The following MEOX2 variants were observed in gnomAD, a reference collection of about 807,000 sequenced individuals.
MEOX2 encodes the protein homeobox protein MOX-2.
In MEOX2, 11 loss-of-function variants were observed where a neutral mutation model predicts 27.0. The ratio of observed to expected loss-of-function variants is 0.41; its 90% confidence interval spans 0.26 to 0.68. MEOX2 has a LOEUF of 0.68. Ranked by LOEUF, MEOX2 falls within the 30% of genes least tolerant of loss-of-function variation. MEOX2 has a pLI of 0.33. For missense variants in MEOX2, 436 were observed against 385.4 expected (o/e 1.13, Z -1.10); for synonymous variants, 189 against 155.4 (o/e 1.22, Z -1.61).
chr7:15,663,628 C>T (rs960958761), intron 1 of MEOX2, among the ~76,000 whole-genome samples: 16 of 152,198 alleles, frequency 1.1e-4, no homozygotes, highest in Admixed American at 5.9e-4. Context: ...CGTGAGCCAC[C>T]GCGCCCAGCC....
chr7:15,666,629 A>G (rs1182165344), intron 1 of MEOX2, among the ~76,000 whole-genome samples: 3 of 150,908 alleles, frequency 2.0e-5, no homozygotes, highest in Non-Finnish European at 4.4e-5. Context: ...GTATGTGCCT[A>G]TAGTCCCAGC....
intron 1 of MEOX2, among the ~76,000 whole-genome samples, chr7:15,663,826 T>A (rs767478740): frequency 3.9e-5 from 6 of 152,140 alleles, no homozygotes; most frequent in Non-Finnish European, 8.8e-5. Flanking sequence ...AGTAATAGCA[T>A]CATTCCAATC....
At chr7:15,643,401 G>C (rs1781593651) in intron 1 of MEOX2, among the ~76,000 whole-genome samples, 1 of 152,306 alleles carries the variant, frequency 6.6e-6, no homozygotes, top group African/African-American at 2.4e-5. Flanking sequence ...CACTGACCTT[G>C]GTCAAGGTCT....
chr7:15,683,994 G>C (rs12111772), intron 1 of MEOX2, among the ~76,000 whole-genome samples: 1,827 of 152,150 alleles, frequency 0.012, 37 homozygotes, highest in African/African-American at 0.043. Flanking sequence ...AGATAAATTA[G>C]TTTTGTTAAA....
chr7:15,664,628 AG>A (rs1781969739), intron 1 of MEOX2, among the ~76,000 whole-genome samples: 1 of 152,206 alleles, frequency 6.6e-6, no homozygotes. Context: ...AAAATACTTC[AG>A]GGCTAATTCA....
At chr7:15,619,332 G>A (rs10486768) in intron 2 of MEOX2, among the ~76,000 whole-genome samples, 9,540 of 151,988 alleles carry the variant, frequency 0.063, 373 homozygotes, top group Middle Eastern at 0.13. Context: ...TTCTTTAGCA[G>A]TACACTCTAA....
intron 1 of MEOX2, among the ~76,000 whole-genome samples, chr7:15,684,485 T>C (rs776230912): frequency 3.9e-5 from 6 of 152,162 alleles, no homozygotes; most frequent in Non-Finnish European, 7.4e-5. Context: ...ACATTAAAAG[T>C]TCACCCCCTG....
intron 1 of MEOX2, among the ~76,000 whole-genome samples, chr7:15,637,643 T>C (rs749035309): frequency 1.3e-5 from 2 of 152,088 alleles, no homozygotes; most frequent in Non-Finnish European, 2.9e-5. Flanking sequence ...TTTTCATTGA[T>C]TAAACAGAAT....
At chr7:15,672,483 A>T (rs1782115586) in intron 1 of MEOX2, among the ~76,000 whole-genome samples, 1 of 152,216 alleles carries the variant, frequency 6.6e-6, no homozygotes, top group African/African-American at 2.4e-5. Flanking sequence ...GAAATTATAG[A>T]TTGTTTTGCT....
chr7:15,640,669 A>G (rs1343388059), intron 1 of MEOX2, among the ~76,000 whole-genome samples: 1 of 152,166 alleles, frequency 6.6e-6, no homozygotes, highest in Non-Finnish European at 1.5e-5. Flanking sequence ...GGTTTGTCAT[A>G]CATGGCTCTT....
intron 2 of MEOX2, among the ~76,000 whole-genome samples, chr7:15,617,722 C>G (rs1172059226): frequency 2.6e-5 from 4 of 152,000 alleles, no homozygotes; most frequent in Admixed American, 6.6e-5. Flanking sequence ...GGCTTAAGTC[C>G]TGTTTACAGG....
At chr7:15,656,525 A>G (rs1233599480) in intron 1 of MEOX2, among the ~76,000 whole-genome samples, 1 of 149,716 alleles carries the variant, frequency 6.7e-6, no homozygotes, top group African/African-American at 2.5e-5. Context: ...TATCTCTTTG[A>G]TGTTGTGCTG....
At chr7:15,662,943 T>C (rs947886109) in intron 1 of MEOX2, among the ~76,000 whole-genome samples, 1 of 152,130 alleles carries the variant, frequency 6.6e-6, no homozygotes, top group African/African-American at 2.4e-5. Context: ...TTATTACCAA[T>C]ACCCTGGGAA....
At position 15,683,974 on chromosome 7, in the gene MEOX2, T is replaced by A. The variant is rs148571073; in HGVS notation, c.517+1912A>T. Among the ~76,000 whole-genome samples the A allele has an allele frequency of 7.4e-3, 1,122 of 152,158 alleles. 11 individuals carry two copies. Among genetic ancestry groups the A allele is most frequent in the African/African-American group, 0.026 (1,066 of 41,506 alleles). On this transcript the variant is annotated intron_variant, in intron 1 of 2. Transcript: ENST00000262041. ...GTTAAATGGTTATTTCCCACTAAGT[T>A]GGGGGGGAGAGATAAATTAGTTTTG...
At chr7:15,652,652 A>G (rs1267256121) in intron 1 of MEOX2, among the ~76,000 whole-genome samples, 3 of 151,986 alleles carry the variant, frequency 2.0e-5, no homozygotes, top group Non-Finnish European at 2.9e-5. Context: ...TTCACATGCA[A>G]TCTCTATTTC....
At chr7:15,639,317 A>G (rs755619056) in intron 1 of MEOX2, among the ~76,000 whole-genome samples, 2 of 151,916 alleles carry the variant, frequency 1.3e-5, no homozygotes, top group Non-Finnish European at 2.9e-5. Context: ...CTACTTTATA[A>G]TGGGGTTGTC....
intron 1 of MEOX2, chr7:15,676,236 A>G (rs1782190162): frequency 1.3e-5 from 2 of 152,224 alleles, no homozygotes; most frequent in African/African-American, 2.4e-5. Flanking sequence ...TGAACAAACA[A>G]ATAATTAAAA....
intron 2 of MEOX2, among the ~76,000 whole-genome samples, chr7:15,613,003 G>A (rs1481093909): frequency 7.2e-5 from 11 of 152,166 alleles, no homozygotes; most frequent in Non-Finnish European, 8.8e-5. Context: ...ACATCCAGCT[G>A]TCATTTCCTG....
At chr7:15,670,932 T>A (rs569034186) in intron 1 of MEOX2, among the ~76,000 whole-genome samples, 23 of 152,304 alleles carry the variant, frequency 1.5e-4, no homozygotes, top group African/African-American at 5.1e-4. Flanking sequence ...GAAGCTTTTT[T>A]AAAAATACTA....
Sources: allele counts gnomAD v4.1 joint callset (sites outside exome capture counted in the v4.1 genomes callset), GRCh38; gene constraint gnomAD v4.1.1; transcripts MANE v1.5; gene names NCBI Gene and HGNC (gene_info 2026-07-23, HGNC 2026-07-21).